The following SUMF1 variants were observed in gnomAD, a reference collection of about 807,000 sequenced individuals.
SUMF1 encodes the protein sulfatase modifying factor 1, also known as formylglycine-generating enzyme.
Under a neutral mutation model 47.6 loss-of-function variants are expected in SUMF1, and 48 were observed. The observed-to-expected ratio is 1.01, with a 90% CI of 0.80 to 1.28. SUMF1 has a LOEUF of 1.28. Among genes scored for constraint, SUMF1 ranks in the 50% most tolerant of loss-of-function variants. The pLI is 0.00. For missense variants in SUMF1, 571 were observed against 485.4 expected (o/e 1.18, Z -1.66); for synonymous variants, 230 against 192.1 (o/e 1.20, Z -1.63).
intron 8 of SUMF1, among the ~76,000 whole-genome samples, chr3:4,254,315 G>A (rs1442187454): frequency 1.3e-5 from 2 of 151,500 alleles, no homozygotes; most frequent in African/African-American, 4.8e-5. Flanking sequence ...AAATTACTCT[G>A]AGCTATGGGA....
chr3:4,282,127 G>A (rs1697541509), intron 8 of SUMF1, among the ~76,000 whole-genome samples: 1 of 152,108 alleles, frequency 6.6e-6, no homozygotes, highest in African/African-American at 2.4e-5. Context: ...TGTGTGGGTT[G>A]AAAAGACAGT....
intron 8 of SUMF1, among the ~76,000 whole-genome samples, chr3:4,182,423 T>C (rs2125134788): frequency 6.7e-6 from 1 of 149,194 alleles, no homozygotes; most frequent in Admixed American, 6.7e-5. Context: ...TTTATTATTA[T>C]ATTTTTTATT....
chr3:4,386,939 C>T (rs1006325959), intron 7 of SUMF1, among the ~76,000 whole-genome samples: 1 of 151,496 alleles, frequency 6.6e-6, no homozygotes. Flanking sequence ...CCAGACTGCA[C>T]TCCTGGAATA....
chr3:4,056,100 G>C (rs370305967), intron 9 of SUMF1, among the ~76,000 whole-genome samples: 1 of 152,056 alleles, frequency 6.6e-6, no homozygotes, highest in Admixed American at 6.6e-5. Context: ...ATGGTCAGCT[G>C]ATTAGCAACT....
chr3:4,269,491 G>A (rs1043043450), intron 8 of SUMF1, among the ~76,000 whole-genome samples: 7 of 152,132 alleles, frequency 4.6e-5, no homozygotes, highest in African/African-American at 7.2e-5. Context: ...TAATTAAAGC[G>A]TGTTTAGCAG....
chr3:4,050,940 C>T (rs1158083460), intron 9 of SUMF1, among the ~76,000 whole-genome samples: 1 of 151,686 alleles, frequency 6.6e-6, no homozygotes, highest in Non-Finnish European at 1.5e-5. Context: ...TTAATTCCTC[C>T]AAATATATTA....
intron 8 of SUMF1, among the ~76,000 whole-genome samples, chr3:4,269,051 G>C (rs1255686063): frequency 6.6e-6 from 1 of 152,132 alleles, no homozygotes; most frequent in Non-Finnish European, 1.5e-5. Context: ...AGAAAGGGAA[G>C]TGAACATACC....
At chr3:4,177,566 A>C (rs771202688) in intron 8 of SUMF1, among the ~76,000 whole-genome samples, 2 of 152,200 alleles carry the variant, frequency 1.3e-5, no homozygotes, top group Non-Finnish European at 2.9e-5. Context: ...TTATAGCACT[A>C]AATGCCCACA....
At chr3:4,188,369 T>C (rs1695247183) in intron 8 of SUMF1, among the ~76,000 whole-genome samples, 1 of 152,072 alleles carries the variant, frequency 6.6e-6, no homozygotes, top group Admixed American at 6.6e-5. Context: ...TGGAAAAATG[T>C]CTAATATAAT....
In SUMF1 at chr3:4,043,030, A is replaced by C. The variant is rs140804622; in HGVS notation, c.1191+25539T>G. Among the ~76,000 whole-genome samples, 793 of 152,184 alleles carry C rather than the reference A, an allele frequency of 5.2e-3. 2 individuals carry two copies. Among genetic ancestry groups the C allele is most frequent in the Middle Eastern group, 0.01 (3 of 294 alleles). On this transcript the variant is annotated intron_variant and NMD_transcript_variant, in intron 9 of 12. Coordinates refer to the SUMF1 transcript ENST00000448413. ...ACTTCAGGTTGGACTGGCTAATAGA[A>C]AGACCAAAAGGTGGCAGGAGAGCAG...
chr3:4,095,884 C>G (rs993554961), intron 8 of SUMF1, among the ~76,000 whole-genome samples: 4 of 152,104 alleles, frequency 2.6e-5, no homozygotes, highest in African/African-American at 9.7e-5. Flanking sequence ...GCAAAATACT[C>G]TTATCATTTT....
intron 8 of SUMF1, among the ~76,000 whole-genome samples, chr3:4,304,775 A>G (rs923372481): frequency 6.6e-6 from 1 of 152,140 alleles, no homozygotes; most frequent in South Asian, 2.1e-4. Flanking sequence ...ACTCTAAAAT[A>G]TTTGAAGAGA....
At chr3:4,143,885 A>G (rs1198287181) in intron 8 of SUMF1, among the ~76,000 whole-genome samples, 3 of 151,986 alleles carry the variant, frequency 2.0e-5, no homozygotes, top group Admixed American at 2.0e-4. Flanking sequence ...GAATCTTAAT[A>G]TACATTCTAA....
intron 9 of SUMF1, among the ~76,000 whole-genome samples, chr3:4,043,588 C>G (rs1317511141): frequency 3.3e-5 from 5 of 152,098 alleles, no homozygotes; most frequent in African/African-American, 1.2e-4. Flanking sequence ...TGCCCTTTAC[C>G]AGTTCTCTAT....
In SUMF1 at chr3:4,035,047, C is replaced by A. The variant is rs115857058; in HGVS notation, c.1191+33522G>T. On this transcript the variant is annotated intron_variant and NMD_transcript_variant, in intron 9 of 12. Coordinates refer to the SUMF1 transcript ENST00000448413. ...GGTCCTCAAAGACTGTGAGTAAAGA[C>A]GTCAGAAAATCAGTCCAGCTGGAGG... Among the ~76,000 whole-genome samples, 962 of 152,006 alleles carry A rather than the reference C, an allele frequency of 6.3e-3. 14 individuals are homozygous for A. Among genetic ancestry groups the A allele is most frequent in the African/African-American group, 0.02 (831 of 41,458 alleles).
chr3:4,233,500 T>A (rs1273953604), intron 8 of SUMF1, among the ~76,000 whole-genome samples: 1 of 152,110 alleles, frequency 6.6e-6, no homozygotes, highest in African/African-American at 2.4e-5. Context: ...TACTAAGCTA[T>A]AAAATAAGTA....
chr3:4,134,704 A>ACTAT (rs1364202166), intron 8 of SUMF1, among the ~76,000 whole-genome samples: 1 of 152,158 alleles, frequency 6.6e-6, no homozygotes, highest in East Asian at 1.9e-4. Context: ...GAAAAGATCA[A>ACTAT]CAAAATTGAT....
intron 8 of SUMF1, among the ~76,000 whole-genome samples, chr3:4,076,743 T>TA (rs1252253081): frequency 6.6e-6 from 1 of 152,178 alleles, no homozygotes; most frequent in East Asian, 1.9e-4. Flanking sequence ...CTCACGCCTG[T>TA]AATCCCAGCA....
At chr3:4,305,243 G>A (rs1183641640) in intron 8 of SUMF1, among the ~76,000 whole-genome samples, 13 of 152,078 alleles carry the variant, frequency 8.5e-5, no homozygotes, top group East Asian at 5.8e-4. Flanking sequence ...CTACAACCAC[G>A]CCCAGCTGAT....
Sources: allele counts gnomAD v4.1 joint callset (sites outside exome capture counted in the v4.1 genomes callset), GRCh38; gene constraint gnomAD v4.1.1; transcripts MANE v1.5; gene names NCBI Gene and HGNC (gene_info 2026-07-23, HGNC 2026-07-21).